The following CDH19 variants were observed in gnomAD, a reference collection of about 807,000 sequenced individuals.
CDH19 encodes cadherin-19.
A neutral mutation model predicts 64.2 loss-of-function variants in CDH19; 67 were observed. The ratio of observed to expected loss-of-function variants is 1.04; its 90% CI spans 0.86 to 1.28. The LOEUF (loss-of-function observed/expected upper bound fraction) is 1.28. Ranked by LOEUF, CDH19 falls within the 50% of genes most tolerant of loss-of-function variation. The pLI, the probability that CDH19 is intolerant of heterozygous loss-of-function variation, is 0.00. For synonymous variants in CDH19, 346 were observed against 319.3 expected, an observed-to-expected ratio of 1.08 and a Z score of -0.89; for missense variants, 1,030 against 929.0, an observed-to-expected ratio of 1.11 and a Z score of -1.41.
chr18:66,533,744 A>T (rs1405921561), intron 8 of CDH19, among the ~76,000 whole-genome samples: 2 of 152,070 alleles, frequency 1.3e-5, no homozygotes, highest in South Asian at 2.1e-4. Flanking sequence ...AAAAATTTTT[A>T]AATGGAACAT....
intron 9 of CDH19, among the ~76,000 whole-genome samples, chr18:66,523,991 C>T (rs374953045): frequency 3.6e-4 from 55 of 152,044 alleles, no homozygotes; most frequent in African/African-American, 1.3e-3. Flanking sequence ...ATGTGCGCCA[C>T]GAAGCATTAA....
intron 3 of CDH19, among the ~76,000 whole-genome samples, chr18:66,561,642 G>A (rs1252527264): frequency 2.6e-5 from 4 of 152,110 alleles, no homozygotes; most frequent in African/African-American, 7.2e-5. Flanking sequence ...CCTGAGTGGG[G>A]TCACTGTGGC....
At chr18:66,510,552 A>G (rs1216856919) in intron 10 of CDH19, among the ~76,000 whole-genome samples, 1 of 144,724 alleles carries the variant, frequency 6.9e-6, no homozygotes, top group Non-Finnish European at 1.5e-5. Flanking sequence ...AATAAAAAAT[A>G]AATAAATAAA....
intron 3 of CDH19, 123 bp from the exon 4 acceptor site, chr18:66,554,647 C>A: frequency 1.5e-6 from 1 of 653,606 alleles, no homozygotes; most frequent in East Asian, 3.0e-5. Flanking sequence ...AATTCACCTC[C>A]TTGTTCTTAA....
At chr18:66,517,473 A>G (rs558333479) in intron 9 of CDH19, among the ~76,000 whole-genome samples, 10 of 152,168 alleles carry the variant, frequency 6.6e-5, no homozygotes, top group Admixed American at 3.3e-4. Flanking sequence ...CATTTATTAT[A>G]TTAATATTTG....
At chr18:66,588,804 A>C (rs1341335440) in intron 1 of CDH19, among the ~76,000 whole-genome samples, 1 of 151,630 alleles carries the variant, frequency 6.6e-6, no homozygotes, top group Non-Finnish European at 1.5e-5. Context: ...GTTTCACTTA[A>C]AGTTACAGTT....
At position 66,551,083 on chromosome 18, in the gene CDH19, T is replaced by C; in HGVS notation, c.775+11A>G. On this transcript the variant is annotated intron_variant, in intron 5 of 11. Coordinates refer to ENST00000262150, the MANE Select transcript of CDH19 (RefSeq NM_021153.4). ...ATAATGTAATGAAGATGTAGAATCC[T>C]TTTTACTTACTTTCTTTAAATATAG... is the stretch of plus-strand genomic sequence containing the variant. The C allele has an allele frequency of 2.8e-6, 4 of 1,446,300 alleles. No individual in the cohort carries two copies. The highest frequency in any genetic ancestry group is 3.9e-6 in the Non-Finnish European group (4 of 1,035,408). 89.6% of individuals were successfully genotyped at this position (1,446,300 alleles called of 1,614,324 possible).
intron 9 of CDH19, among the ~76,000 whole-genome samples, chr18:66,521,530 T>TATTTATTTA (rs1168665817): frequency 0.033 from 4,711 of 144,228 alleles, 110 homozygotes; most frequent in East Asian, 0.059. Context: ...TTATTTTGTT[T>TATTTATTTA]GTTTGTTTGT....
intron 3 of CDH19, among the ~76,000 whole-genome samples, chr18:66,556,872 T>C (rs1235178877): frequency 6.6e-6 from 1 of 151,878 alleles, no homozygotes; most frequent in Non-Finnish European, 1.5e-5. Flanking sequence ...GAAATATCAC[T>C]TCACACTTGT....
chr18:66,533,739 T>C (rs574121910), intron 8 of CDH19, among the ~76,000 whole-genome samples: 3 of 151,616 alleles, frequency 2.0e-5, no homozygotes, highest in African/African-American at 7.3e-5. Flanking sequence ...AAAAAAAAAA[T>C]TTTTAAATGG....
chr18:66,511,619 G>A lies in CDH19; in HGVS notation c.1525C>T (p.Leu509=). The change falls in exon 10 of 12, where the codon CTA becomes TTA. Residue 509 remains leucine, a synonymous_variant. Coordinates refer to ENST00000262150, the MANE Select transcript of CDH19 (RefSeq NM_021153.4). ...SIEEHHFYFN[L]SVEDTNNSSF... The stretch of plus-strand genomic sequence containing the variant: ...GAATTGTTAGTGTCTTCTACAGATA[G>A]ATTAAAGTAAAAATGGTGCTCTTCT... 4 of 1,565,204 alleles carry A rather than the reference G, an allele frequency of 2.6e-6. No individual in the cohort carries two copies. Among genetic ancestry groups the A allele is most frequent in the Non-Finnish European group, 2.6e-6 (3 of 1,136,998 alleles).
chr18:66,534,921 T>C (rs1004929425), intron 8 of CDH19, 65 bp downstream of exon 8: 37 of 1,136,416 alleles, frequency 3.3e-5, no homozygotes, highest in African/African-American at 1.9e-4. Context: ...TCCCCATGTA[T>C]AGAAATTTGT....
At chr18:66,580,921 T>C (rs1225590452) in intron 1 of CDH19, among the ~76,000 whole-genome samples, 2 of 152,094 alleles carry the variant, frequency 1.3e-5, no homozygotes, top group Non-Finnish European at 2.9e-5. Flanking sequence ...CCACTTCTGA[T>C]TGAAGACTGG....
In CDH19 at chr18:66,563,218, T is replaced by C. The variant is rs868077128; in HGVS notation, c.490+5198A>G. Among the ~76,000 whole-genome samples, 14 of 152,206 alleles carry C rather than the reference T, an allele frequency of 9.2e-5. 1 individual carries two copies. Among genetic ancestry groups the C allele is most frequent in the South Asian group, 4.1e-4 (2 of 4,830 alleles). On this transcript the variant is annotated intron_variant, in intron 3 of 11. Transcript: ENST00000262150. ...ATTAAAGCTTACATTTATTATGGAA[T>C]ACTAAAGTACAGGTGCCACAGTATG...
At chr18:66,514,674 A>G (rs1985654722) in intron 9 of CDH19, among the ~76,000 whole-genome samples, 1 of 151,588 alleles carries the variant, frequency 6.6e-6, no homozygotes, top group South Asian at 2.1e-4. Flanking sequence ...TTGACTTTAA[A>G]GATAATCAGG....
chr18:66,577,090 A>G (rs1988287715), intron 1 of CDH19, among the ~76,000 whole-genome samples: 1 of 151,766 alleles, frequency 6.6e-6, no homozygotes, highest in South Asian at 2.1e-4. Flanking sequence ...GATATTTATG[A>G]TGATACTGGA....
At chr18:66,567,354 TG>T (rs531688530) in intron 3 of CDH19, among the ~76,000 whole-genome samples, 150 of 150,010 alleles carry the variant, frequency 1.0e-3, no homozygotes, top group African/African-American at 3.3e-3. Context: ...GAGTAGAAGG[TG>T]GAGAAGGGGG....
chr18:66,534,375 T>C (rs533740202), intron 8 of CDH19, among the ~76,000 whole-genome samples: 1 of 151,796 alleles, frequency 6.6e-6, no homozygotes, highest in Non-Finnish European at 1.5e-5. Flanking sequence ...ATCTGCCTGA[T>C]AAAGTAAGGA....
intron 1 of CDH19, among the ~76,000 whole-genome samples, chr18:66,593,120 T>C (rs946259074): frequency 2.6e-5 from 4 of 151,894 alleles, no homozygotes; most frequent in Non-Finnish European, 4.4e-5. Context: ...AATATCTCAT[T>C]GTGATTTTGA....
Sources: gnomAD v4.1 joint callset for allele counts (sites outside exome capture counted in the v4.1 genomes callset) on GRCh38, gnomAD v4.1.1 for gene constraint, MANE v1.5 for transcripts, NCBI Gene and HGNC (gene_info 2026-07-23, HGNC 2026-07-21) for gene names.